Variants in SAR1A observed in about 807,000 individuals in gnomAD.
The protein encoded by SAR1A is secretion associated Ras related GTPase 1A.
SAR1A carries 6 observed loss-of-function variants against 22.6 expected under a neutral mutation model. The observed-to-expected ratio is 0.27, with a 90% CI of 0.15 to 0.52. The LOEUF (loss-of-function observed/expected upper bound fraction) is 0.52. Ranked by LOEUF, SAR1A falls within the 20% of genes least tolerant of loss-of-function variation. SAR1A has a pLI of 0.96. For synonymous variants in SAR1A, 70 were observed against 82.2 expected, an observed-to-expected ratio of 0.85 and a Z score of 0.80; for missense variants, 145 against 245.1, an observed-to-expected ratio of 0.59 and a Z score of 2.73.
At chr10:70,160,461 T>C (rs2311404) in intron 4 of SAR1A, among the ~76,000 whole-genome samples, 58,130 of 152,084 alleles carry the variant, frequency 0.38, 12,107 homozygotes, top group East Asian at 0.56. Context: ...CATTAATATG[T>C]ATTATGTAGG....
In SAR1A at chr10:70,149,135, C is replaced by T. The variant is rs941950658; in HGVS notation, c.*3341G>A. On this transcript the variant is annotated 3_prime_UTR_variant, in exon 7 of 7. Coordinates refer to ENST00000373241, the MANE Select transcript of SAR1A (RefSeq NM_020150.5). Reference sequence around the variant, plus strand: ...AGTCACCCAGGCTGGAGTGCAGTGGCGCGATCTCGGCTCACTGCAACCTCC... The same window carrying T: ...AGTCACCCAGGCTGGAGTGCAGTGGTGCGATCTCGGCTCACTGCAACCTCC... 1.7e-4 allele frequency: 26 copies of T among 152,542 alleles called. No individual in the cohort carries two copies. Among genetic ancestry groups the T allele is most frequent in the Non-Finnish European group, 2.8e-4 (19 of 68,388 alleles). 9.4% of individuals were successfully genotyped at this position (152,542 alleles called of 1,614,324 possible). A position where few individuals can be genotyped will look rare whatever the true frequency, so the allele number is the denominator to read the frequency against.
chr10:70,168,579 CA>C (rs1418646491), intron 1 of SAR1A, among the ~76,000 whole-genome samples: 3 of 151,712 alleles, frequency 2.0e-5, no homozygotes, highest in African/African-American at 7.3e-5. Context: ...ACAACAAGAG[CA>C]AAAACTCCAT....
chr10:70,153,709 A>G, intron 6 of SAR1A, 129 bp downstream of exon 6: 1 of 676,700 alleles, frequency 1.5e-6, no homozygotes, highest in Non-Finnish European at 2.3e-6. Context: ...AGCTTACAAA[A>G]TACTCACAGT....
intron 1 of SAR1A, among the ~76,000 whole-genome samples, chr10:70,165,733 T>C (rs1009097079): frequency 6.6e-6 from 1 of 152,240 alleles, no homozygotes; most frequent in South Asian, 2.1e-4. Flanking sequence ...AAAAACTTAC[T>C]TGAGTTTACA....
chr10:70,167,581 TGACAGAGCAG>T lies in SAR1A; in HGVS notation c.-17+2822_-17+2831del, dbSNP rs1386074952. On this transcript the variant is annotated intron_variant, in intron 1 of 6. Transcript: ENST00000373241. ...TCGCTCCACTGCACTTCAGCCTGGG[TGACAGAGCAG>T]GACTCCATCTCAAAAAAAAAAAAAA... 4 of 148,590 alleles carry T rather than the reference TGACAGAGCAG, an allele frequency of 2.7e-5. No individual in the cohort carries two copies. The East Asian group carries it at 7.9e-4, about 29-fold the overall frequency. The allele number at this position is 148,590 out of a possible 1,614,324, so 9.2% of individuals were successfully genotyped here. A position where few individuals can be genotyped will look rare whatever the true frequency, so the allele number is the denominator to read the frequency against.
At chr10:70,160,956 C>CAAAAAAAATAA in intron 4 of SAR1A, 48 bp downstream of exon 4, 1 of 1,387,596 alleles carries the variant, frequency 7.2e-7, no homozygotes, top group South Asian at 1.3e-5. Context: ...CTGGGAGGCA[C>CAAAAAAAATAA]AAAAAAAATA....
intron 1 of SAR1A, chr10:70,163,634 C>T (rs913528557): frequency 1.3e-5 from 9 of 718,492 alleles, no homozygotes; most frequent in Middle Eastern, 4.8e-4. Context: ...AGCAAGTGAG[C>T]GAGCAGAGTG....
rs1401121275 is a variant in SAR1A, at chr10:70,147,711, C to A, written c.*4765G>T. 6.6e-6 allele frequency: 1 copy of A among 152,144 alleles called. No individual in the cohort carries two copies. The highest frequency in any genetic ancestry group is 1.5e-5 in the Non-Finnish European group (1 of 68,028). The allele number at this position is 152,144 out of a possible 1,614,324, so 9.4% of individuals were successfully genotyped here. ...CTCTAGTGTACACTAACATAAACTG[C>A]TCTACTTTTCCAAAGAAGTACGCTT... On this transcript the variant is annotated 3_prime_UTR_variant, in exon 7 of 7. Coordinates refer to ENST00000373241, the MANE Select transcript of SAR1A (RefSeq NM_020150.5).
At position 70,152,204 on chromosome 10, in the gene SAR1A, T is replaced by C; in HGVS notation, c.*272A>G. On this transcript the variant is annotated 3_prime_UTR_variant, in exon 7 of 7. Transcript: ENST00000373241. ...CGTGTTTTTCTTTTCAGGTGCCCCATGATGGCATACAGCTTTACCCGGCAA... is the reference window on the plus strand; with the variant it reads ...CGTGTTTTTCTTTTCAGGTGCCCCACGATGGCATACAGCTTTACCCGGCAA... The C allele has an allele frequency of 1.9e-6, 1 of 528,212 alleles. No homozygotes were observed. The highest frequency in any genetic ancestry group is 4.4e-5 in the East Asian group (1 of 22,776). The allele number at this position is 528,212 out of a possible 1,614,324, so 32.7% of individuals were successfully genotyped here. A position where few individuals can be genotyped will look rare whatever the true frequency, so the allele number is the denominator to read the frequency against.
intron 6 of SAR1A, among the ~76,000 whole-genome samples, chr10:70,153,154 G>A (rs1158715766): frequency 6.6e-6 from 1 of 152,144 alleles, no homozygotes; most frequent in African/African-American, 2.4e-5. Context: ...AGAAAAGGAA[G>A]ATATTTAAAA....
chr10:70,157,645 C>A, intron 5 of SAR1A, 119 bp downstream of exon 5: 3 of 655,534 alleles, frequency 4.6e-6, no homozygotes, highest in South Asian at 2.2e-5. Context: ...GGTCTTTTTG[C>A]CAAATGTTAA....
At chr10:70,158,809 A>C (rs1839429554) in intron 4 of SAR1A, among the ~76,000 whole-genome samples, 1 of 151,572 alleles carries the variant, frequency 6.6e-6, no homozygotes, top group African/African-American at 2.4e-5. Context: ...TAACTTTTAT[A>C]AAATGGTGGC....
Position 70,161,076 on chromosome 10 carries a change from A to G in SAR1A, c.179-7T>C. The G allele has an allele frequency of 6.2e-7, 1 of 1,609,958 alleles. No individual in the cohort carries two copies. Among genetic ancestry groups the G allele is most frequent in the Non-Finnish European group, 8.5e-7 (1 of 1,177,994 alleles). ...ATTGTTAGCTCTTCTGATGCTGAAA[A>G]ATTGTTTAAAAAGAAGAAAAAAACT... On this transcript the variant is annotated splice_polypyrimidine_tract_variant and splice_region_variant and intron_variant, in intron 3 of 6. Transcript: ENST00000373241.
chr10:70,162,666 G>A (rs1839490830), intron 1 of SAR1A: 1 of 152,090 alleles, frequency 6.6e-6, no homozygotes. Context: ...CAGAGAACTA[G>A]GAGTTAAAAA....
At chr10:70,166,194 A>G (rs780683178) in intron 1 of SAR1A, among the ~76,000 whole-genome samples, 1 of 152,242 alleles carries the variant, frequency 6.6e-6, no homozygotes, top group Non-Finnish European at 1.5e-5. Context: ...GCTTTACTGT[A>G]CTTGTTTTAT....
intron 3 of SAR1A, chr10:70,161,337 A>G (rs537202706): frequency 2.5e-5 from 14 of 551,688 alleles, no homozygotes; most frequent in African/African-American, 9.5e-5. Flanking sequence ...AAACTATTCT[A>G]AAAGCCAAAG....
At chr10:70,157,121 T>C (rs902527997) in intron 5 of SAR1A, among the ~76,000 whole-genome samples, 2 of 152,060 alleles carry the variant, frequency 1.3e-5, no homozygotes, top group Non-Finnish European at 2.9e-5. Context: ...TTACTGTTCA[T>C]GGGCCAGGCG....
intron 1 of SAR1A, among the ~76,000 whole-genome samples, chr10:70,168,390 T>G (rs557967723): frequency 1.5e-4 from 23 of 152,070 alleles, no homozygotes; most frequent in African/African-American, 5.3e-4. Context: ...AGGTCAGGAG[T>G]TCGAGATCAG....
At chr10:70,156,294 C>A (rs571488097) in intron 5 of SAR1A, among the ~76,000 whole-genome samples, 1 of 152,278 alleles carries the variant, frequency 6.6e-6, no homozygotes, top group Admixed American at 6.5e-5. Context: ...ACCAGAAGAA[C>A]TAGTGCTTCT....
Sources: allele counts gnomAD v4.1 joint callset (sites outside exome capture counted in the v4.1 genomes callset), GRCh38; gene constraint gnomAD v4.1.1; transcripts MANE v1.5; gene names NCBI Gene and HGNC (gene_info 2026-07-23, HGNC 2026-07-21).